FGF2: variants seen among roughly 807,000 people sequenced by gnomAD.
FGF2 encodes the protein fibroblast growth factor 2, also known as basic fibroblast growth factor bFGF.
A neutral mutation model predicts 15.9 loss-of-function variants in FGF2; 13 were observed. That is an observed-to-expected ratio of 0.82 (90% CI 0.53 to 1.30). The LOEUF is 1.30. FGF2 is among the 50% of genes most tolerant of loss of function. FGF2 has a pLI of 0.00. For missense variants in FGF2, 163 were observed against 196.9 expected (o/e 0.83, Z 1.03); for synonymous variants, 90 against 78.4 (o/e 1.15, Z -0.78).
intron 1 of FGF2, among the ~76,000 whole-genome samples, chr4:122,837,482 G>C (rs1725889291): frequency 6.6e-6 from 1 of 152,120 alleles, no homozygotes. Flanking sequence ...TCTACTGCCT[G>C]CTATATATCT....
intron 1 of FGF2, among the ~76,000 whole-genome samples, chr4:122,875,311 T>C (rs1726816535): frequency 6.6e-6 from 1 of 152,048 alleles, no homozygotes; most frequent in South Asian, 2.1e-4. Flanking sequence ...AAGTCATCTT[T>C]CTCAGGATCT....
intron 1 of FGF2, among the ~76,000 whole-genome samples, chr4:122,831,251 C>T (rs192199045): frequency 1.8e-4 from 28 of 152,258 alleles, no homozygotes; most frequent in African/African-American, 4.1e-4. Flanking sequence ...AGCCTCAGTG[C>T]GCTCTTCATT....
chr4:122,863,230 T>A (rs1726508045), intron 1 of FGF2, among the ~76,000 whole-genome samples: 1 of 152,220 alleles, frequency 6.6e-6, no homozygotes, highest in African/African-American at 2.4e-5. Context: ...CACTTCTTTA[T>A]TTTTCTTAAT....
chr4:122,873,556 CA>C (rs143625095), intron 1 of FGF2, among the ~76,000 whole-genome samples: 2,172 of 152,274 alleles, frequency 0.014, 54 homozygotes, highest in African/African-American at 0.049. Context: ...CCATTTTTGG[CA>C]AGTTTATTCC....
At chr4:122,872,646 A>T (rs1231892293) in intron 1 of FGF2, among the ~76,000 whole-genome samples, 24 of 152,220 alleles carry the variant, frequency 1.6e-4, no homozygotes. Flanking sequence ...TCACCTACAA[A>T]GGGAAGCCCA....
At position 122,893,367 on chromosome 4, in the gene FGF2, G is replaced by A. The variant is rs776751365; in HGVS notation, c.*971G>A. 148 of 725,212 alleles carry A rather than the reference G, an allele frequency of 2.0e-4. No individual in the cohort carries two copies. Among genetic ancestry groups the A allele is most frequent in the Non-Finnish European group, 2.6e-4 (126 of 489,534 alleles). 44.9% of individuals were successfully genotyped at this position (725,212 alleles called of 1,614,324 possible). On this transcript the variant is annotated 3_prime_UTR_variant, in exon 3 of 3. Coordinates refer to ENST00000644866, the MANE Select transcript of FGF2 (RefSeq NM_001361665.2). ...GTAAAGTTTTCAATACAAATTCTTTGCCTTGTGGATATCAAGAAATCCCAA... is the reference window on the plus strand; with the variant it reads ...GTAAAGTTTTCAATACAAATTCTTTACCTTGTGGATATCAAGAAATCCCAA...
intron 1 of FGF2, among the ~76,000 whole-genome samples, chr4:122,858,802 G>GA (rs912104235): frequency 1.3e-5 from 2 of 149,832 alleles, no homozygotes; most frequent in South Asian, 2.1e-4. Context: ...GCTGATGGAA[G>GA]AAAAAAAAAC....
chr4:122,872,917 A>G (rs910831369), intron 1 of FGF2, among the ~76,000 whole-genome samples: 2 of 152,234 alleles, frequency 1.3e-5, no homozygotes, highest in African/African-American at 2.4e-5. Context: ...GTCACTGCAA[A>G]AAACACACCA....
chr4:122,897,745 C>A lies in FGF2; in HGVS notation c.*5349C>A, dbSNP rs532370438. The stretch of plus-strand genomic sequence containing the variant: ...CTAACACACACATATGTAGATTTCA[C>A]AAAATCCACCTATAATTGGTCAAAG... On this transcript the variant is annotated 3_prime_UTR_variant, in exon 3 of 3. Transcript: ENST00000644866. 2.8e-6 allele frequency: 3 copies of A among 1,064,328 alleles called. No homozygotes were observed. In the East Asian group the frequency reaches 7.1e-5, roughly 25 times the overall value. The allele number at this position is 1,064,328 out of a possible 1,614,324, so 65.9% of individuals were successfully genotyped here.
chr4:122,892,817 T>C lies in FGF2; in HGVS notation c.*421T>C. On this transcript the variant is annotated 3_prime_UTR_variant, in exon 3 of 3. Coordinates refer to ENST00000644866, the MANE Select transcript of FGF2 (RefSeq NM_001361665.2). ...GTTAGTCTACATGTTTCTAAACATA[T>C]AAATGTGAATTTAATCAATTCCTTT... 6.3e-7 allele frequency: 1 copy of C among 1,577,932 alleles called. No individual in the cohort carries two copies. Among genetic ancestry groups the C allele is most frequent in the East Asian group, 2.2e-5 (1 of 44,734 alleles).
chr4:122,851,120 A>T (rs1402056799), intron 1 of FGF2, among the ~76,000 whole-genome samples: 1 of 152,126 alleles, frequency 6.6e-6, no homozygotes, highest in Non-Finnish European at 1.5e-5. Flanking sequence ...TCAACCTGCT[A>T]TGTCTTGTTG....
chr4:122,829,044 T>A (rs1578445872), intron 1 of FGF2, among the ~76,000 whole-genome samples: 1 of 139,860 alleles, frequency 7.2e-6, no homozygotes, highest in Non-Finnish European at 1.5e-5. Context: ...CTTCCCCTAA[T>A]ACTCTTTTTT....
rs1265117071 is a variant in FGF2 at position 122,827,724 on chromosome 4, CCGGGGACA to C, written c.178+373_178+380del. Among the ~76,000 whole-genome samples, 1 of 152,188 alleles carries C rather than the reference CCGGGGACA, an allele frequency of 6.6e-6. No individual in the cohort carries two copies. Among genetic ancestry groups the C allele is most frequent in the Admixed American group, 6.5e-5 (1 of 15,286 alleles). Reference sequence around the variant, plus strand: ...CCGCTTCTATCTGCTGCGTGCTGTCCCGGGGACAAAGACAGGAAGGACCGCAGCAGAAC... The same window carrying C: ...CCGCTTCTATCTGCTGCGTGCTGTCCAAGACAGGAAGGACCGCAGCAGAAC... On this transcript the variant is annotated intron_variant, in intron 1 of 2. Transcript: ENST00000644866. The surrounding 1 kb of genome is among the most constrained non-coding windows in gnomAD (Gnocchi z 4.2).
At chr4:122,835,809 A>G (rs2150763182) in intron 1 of FGF2, among the ~76,000 whole-genome samples, 1 of 152,254 alleles carries the variant, frequency 6.6e-6, no homozygotes, top group African/African-American at 2.4e-5. Flanking sequence ...TTTACCATCC[A>G]TACCTTCCTG....
At chr4:122,866,185 C>T (rs1365842194) in intron 1 of FGF2, among the ~76,000 whole-genome samples, 1 of 151,862 alleles carries the variant, frequency 6.6e-6, no homozygotes. Flanking sequence ...CTGGCTAACA[C>T]ATGAAACCCC....
intron 1 of FGF2, among the ~76,000 whole-genome samples, chr4:122,828,569 T>A (rs1011618204): frequency 1.3e-5 from 2 of 152,104 alleles, no homozygotes; most frequent in African/African-American, 4.8e-5. Context: ...TAATGGGATG[T>A]CATGAGGGGA....
chr4:122,879,938 C>A (rs1224625761), intron 2 of FGF2, among the ~76,000 whole-genome samples: 1 of 152,144 alleles, frequency 6.6e-6, no homozygotes, highest in Non-Finnish European at 1.5e-5. Context: ...CCATATCATT[C>A]CACCCCTGGC....
chr4:122,868,013 G>A (rs1042585657), intron 1 of FGF2, among the ~76,000 whole-genome samples: 1 of 152,068 alleles, frequency 6.6e-6, no homozygotes, highest in East Asian at 1.9e-4. Flanking sequence ...GTAAATTAAG[G>A]TGCTTTTCTT....
chr4:122,898,071 C>T lies in FGF2; in HGVS notation c.*5675C>T. 1 of 166,102 alleles carries T rather than the reference C, an allele frequency of 6.0e-6. No individual in the cohort carries two copies. The highest frequency in any genetic ancestry group is 1.3e-5 in the Non-Finnish European group (1 of 77,070). 10.3% of individuals were successfully genotyped at this position (166,102 alleles called of 1,614,324 possible). On this transcript the variant is annotated 3_prime_UTR_variant, in exon 3 of 3. Coordinates refer to ENST00000644866, the MANE Select transcript of FGF2 (RefSeq NM_001361665.2). ...AATAAGTAGAAAATATAAATTTCAT[C>T]ACTAAAATATGCTATTTTAAAATCT...
Sources: gnomAD v4.1 joint callset for allele counts (sites outside exome capture counted in the v4.1 genomes callset) on GRCh38, gnomAD v4.1.1 for gene constraint, Gnocchi (gnomAD v3.1) non-coding constraint, MANE v1.5 for transcripts, NCBI Gene and HGNC (gene_info 2026-07-23, HGNC 2026-07-21) for gene names.